The following GBE1 variants were observed in gnomAD, a reference collection of about 807,000 sequenced individuals.
The protein encoded by GBE1 is 1,4-alpha-glucan branching enzyme 1.
A neutral mutation model predicts 88.8 loss-of-function variants in GBE1; 70 were observed. The observed-to-expected ratio is 0.79, with a 90% CI of 0.65 to 0.96. The LOEUF (loss-of-function observed/expected upper bound fraction) is 0.96, where lower values mean the gene tolerates loss of function less well. GBE1 is among the 40% of genes least tolerant of loss of function. The probability of loss-of-function intolerance (pLI) is 0.00; values close to 1 mark genes in which losing one functional copy is unlikely to be tolerated. For synonymous variants in GBE1, 284 were observed against 300.1 expected (o/e 0.95, Z 0.56); for missense variants, 872 against 871.0 (o/e 1.00, Z -0.01).
Position 81,610,147 on chromosome 3 carries a change from C to T in GBE1, c.993-16124G>A, listed in dbSNP as rs1704160034. Among the ~76,000 whole-genome samples, 3 of 152,142 alleles carry T rather than the reference C, an allele frequency of 2.0e-5. No homozygotes were observed. The South Asian group carries it at 6.2e-4, about 31-fold the overall frequency. On this transcript the variant is annotated intron_variant, in intron 7 of 15. Coordinates refer to ENST00000429644, the MANE Select transcript of GBE1 (RefSeq NM_000158.4). ...CCAACTATTATGATGCTACATGATG[C>T]TACATGTCTGGCCCACTGGTTCAAA...
chr3:81,498,203 C>T (rs1268202210), intron 15 of GBE1, among the ~76,000 whole-genome samples: 1 of 152,032 alleles, frequency 6.6e-6, no homozygotes, highest in East Asian at 1.9e-4. Context: ...TATAATATGG[C>T]AGCTTACAAA....
At chr3:81,554,855 T>G (rs1471734169) in intron 12 of GBE1, among the ~76,000 whole-genome samples, 1 of 152,156 alleles carries the variant, frequency 6.6e-6, no homozygotes, top group Non-Finnish European at 1.5e-5. Flanking sequence ...ATCAGAGCTC[T>G]AACTCCCCAA....
chr3:81,577,426 TATTCATATTTTTCTATTTTAA>T lies in GBE1; in HGVS notation c.1618+478_1618+498del, dbSNP rs1703663836. On this transcript the variant is annotated intron_variant, in intron 12 of 15. Coordinates refer to ENST00000429644, the MANE Select transcript of GBE1 (RefSeq NM_000158.4). ...CTTTCAGACAAAAATGACCTTTCAGTATTCATATTTTTCTATTTTAAAAAATAAATTTCTTTTTGTCCAACA... is the reference window on the plus strand; with the variant it reads ...CTTTCAGACAAAAATGACCTTTCAGTAAAATAAATTTCTTTTTGTCCAACA... 2.6e-5 allele frequency among the ~76,000 whole-genome samples: 4 copies of T among 152,302 alleles called. No homozygotes were observed. In the South Asian group the frequency reaches 8.3e-4, roughly 32 times the overall value.
Position 81,657,105 on chromosome 3 carries a change from G to A in GBE1, c.430-7184C>T, listed in dbSNP as rs117395875. On this transcript the variant is annotated intron_variant, in intron 3 of 15. Coordinates refer to ENST00000429644, the MANE Select transcript of GBE1 (RefSeq NM_000158.4). Reference sequence around the variant, plus strand: ...TTTCAGGCAGAGGTTGCAGTGAGCCGAGACCACGCCACTGCACTCCAGCCG... The same window carrying A: ...TTTCAGGCAGAGGTTGCAGTGAGCCAAGACCACGCCACTGCACTCCAGCCG... 7.2e-5 allele frequency among the ~76,000 whole-genome samples: 10 copies of A among 137,932 alleles called. No homozygotes were observed. The East Asian group carries it at 1.9e-3, about 26-fold the overall frequency. The allele number at this position is 137,932 out of a possible 152,430, so 90.5% of individuals were successfully genotyped here. A position where few individuals can be genotyped will look rare whatever the true frequency, so the allele number is the denominator to read the frequency against.
At chr3:81,724,320 T>C (rs1706078589) in intron 1 of GBE1, among the ~76,000 whole-genome samples, 1 of 152,212 alleles carries the variant, frequency 6.6e-6, no homozygotes, top group Non-Finnish European at 1.5e-5. Context: ...AAGCATTTTC[T>C]TATTAACATT....
chr3:81,537,049 T>G lies in GBE1; in HGVS notation c.1665A>C (p.Gly555=). Residue 555 remains glycine (G), a synonymous_variant, in exon 13 of 16, where the codon GGA becomes GGC. Transcript: ENST00000429644. ...TGGCATAATGGTAACTCTCATTATT[T>G]CCTTTTCTTGGGAAGTCTAACCATT... is the stretch of plus-strand genomic sequence containing the variant. ...HPEWLDFPRK[G]NNESYHYARR... 4 of 1,568,760 alleles carry G rather than the reference T, an allele frequency of 2.5e-6. No homozygotes were observed. The highest frequency in any genetic ancestry group is 3.4e-6 in the Non-Finnish European group (4 of 1,161,790).
intron 12 of GBE1, among the ~76,000 whole-genome samples, chr3:81,552,388 G>C (rs1444482562): frequency 6.6e-6 from 1 of 151,990 alleles, no homozygotes; most frequent in Admixed American, 6.6e-5. Flanking sequence ...CGCGTGGCAG[G>C]CACCTGTAAT....
intron 1 of GBE1, among the ~76,000 whole-genome samples, chr3:81,752,903 A>G (rs944574709): frequency 6.6e-6 from 1 of 152,210 alleles, no homozygotes; most frequent in Admixed American, 6.5e-5. Flanking sequence ...GTAATATCCT[A>G]GTAAATATTT....
intron 14 of GBE1, among the ~76,000 whole-genome samples, chr3:81,524,623 A>G (rs1559633336): frequency 6.6e-6 from 1 of 151,974 alleles, no homozygotes; most frequent in Admixed American, 6.6e-5. Context: ...ATTTTTCCAC[A>G]TAAGGATATC....
chr3:81,650,598 GAATA>G (rs145968731), intron 3 of GBE1, among the ~76,000 whole-genome samples: 4,293 of 152,162 alleles, frequency 0.028, 219 homozygotes, highest in African/African-American at 0.094. Context: ...ACTTAGAACT[GAATA>G]AATGATTTTG....
Position 81,501,402 on chromosome 3 carries a change from C to T in GBE1, c.1935-2175G>A, listed in dbSNP as rs1367898104. On this transcript the variant is annotated intron_variant, in intron 14 of 15. Coordinates refer to ENST00000429644, the MANE Select transcript of GBE1 (RefSeq NM_000158.4). The stretch of plus-strand genomic sequence containing the variant: ...TTTTCACGGGCAATTTTATGATTTG[C>T]TTTTAGGTAGAAAGGAGGGGATCAA... Among the ~76,000 whole-genome samples, 3 of 152,066 alleles carry T rather than the reference C, an allele frequency of 2.0e-5. No homozygotes were observed. The East Asian group carries it at 5.8e-4, about 29-fold the overall frequency.
intron 7 of GBE1, among the ~76,000 whole-genome samples, chr3:81,611,099 C>T (rs1576169157): frequency 6.6e-6 from 1 of 151,628 alleles, no homozygotes; most frequent in East Asian, 1.9e-4. Context: ...TTTTCCCCTG[C>T]TACCTTGTAT....
At chr3:81,750,332 C>T (rs189420022) in intron 1 of GBE1, among the ~76,000 whole-genome samples, 8 of 150,982 alleles carry the variant, frequency 5.3e-5, no homozygotes, top group Admixed American at 2.0e-4. Context: ...TGTGTAGTTA[C>T]GTAAAAAAAT....
chr3:81,625,001 G>C lies in GBE1; in HGVS notation c.992+17780C>G, dbSNP rs151302376. 6.0e-3 allele frequency among the ~76,000 whole-genome samples: 903 copies of C among 151,086 alleles called. 1 individual carries two copies. The highest frequency in any genetic ancestry group is 0.014 in the Middle Eastern group (4 of 292). The stretch of plus-strand genomic sequence containing the variant: ...CAACCACAGGGAAGACAAAAGAGTA[G>C]GGTCCTAAAATAAAACCACGGCTAC... On this transcript the variant is annotated intron_variant, in intron 7 of 15. Coordinates refer to ENST00000429644, the MANE Select transcript of GBE1 (RefSeq NM_000158.4).
intron 14 of GBE1, among the ~76,000 whole-genome samples, chr3:81,515,075 C>A (rs192869686): frequency 6.6e-6 from 1 of 151,546 alleles, no homozygotes; most frequent in Admixed American, 6.6e-5. Flanking sequence ...AATGTGAAAT[C>A]TTTCAGGCCA....
At chr3:81,564,076 G>A (rs1244431223) in intron 12 of GBE1, among the ~76,000 whole-genome samples, 1 of 152,084 alleles carries the variant, frequency 6.6e-6, no homozygotes, top group African/African-American at 2.4e-5. Flanking sequence ...CCTCTGGGAG[G>A]TGATTAAGTC....
intron 7 of GBE1, among the ~76,000 whole-genome samples, chr3:81,639,363 T>C (rs1054449068): frequency 1.3e-5 from 2 of 152,034 alleles, no homozygotes; most frequent in African/African-American, 4.8e-5. Flanking sequence ...AAAAAATGGC[T>C]ATTTCAGACA....
intron 3 of GBE1, among the ~76,000 whole-genome samples, chr3:81,669,796 C>A (rs1157554592): frequency 6.6e-6 from 1 of 152,148 alleles, no homozygotes; most frequent in African/African-American, 2.4e-5. Flanking sequence ...TCTTGCTAAA[C>A]ATCTTCTTAT....
At chr3:81,749,434 C>A (rs1706464856) in intron 1 of GBE1, among the ~76,000 whole-genome samples, 1 of 151,828 alleles carries the variant, frequency 6.6e-6, no homozygotes, top group Non-Finnish European at 1.5e-5. Context: ...CCATATAACT[C>A]ACTGGTTGCC....
Sources: allele counts gnomAD v4.1 joint callset (sites outside exome capture counted in the v4.1 genomes callset), GRCh38; gene constraint gnomAD v4.1.1; transcripts MANE v1.5; gene names NCBI Gene and HGNC (gene_info 2026-07-23, HGNC 2026-07-21).